DDX47: variants seen among roughly 807,000 people sequenced by gnomAD.
DDX47 encodes probable ATP-dependent RNA helicase DDX47.
Under a neutral mutation model 58.8 loss-of-function variants are expected in DDX47, and 60 were observed. The ratio of observed to expected loss-of-function variants is 1.02; its 90% CI spans 0.83 to 1.26. The LOEUF is 1.26. Among genes scored for constraint, DDX47 ranks in the 50% most tolerant of loss-of-function variants. DDX47 has a pLI of 0.00. For synonymous variants in DDX47, 197 were observed against 204.6 expected, an observed-to-expected ratio of 0.96 and a Z score of 0.32; for missense variants, 530 against 573.2, an observed-to-expected ratio of 0.92 and a Z score of 0.77.
chr12:12,820,916 G>T (rs988061183), intron 2 of DDX47: 3 of 394,216 alleles, frequency 7.6e-6, no homozygotes, highest in Admixed American at 8.6e-5. Flanking sequence ...AGCCTTTTCT[G>T]ACTCTTCTGG....
intron 11 of DDX47, among the ~76,000 whole-genome samples, chr12:12,828,110 G>A (rs926592044): frequency 1.6e-4 from 24 of 151,888 alleles, no homozygotes; most frequent in African/African-American, 5.8e-4. Flanking sequence ...CCCCCGCCTC[G>A]GCCTCCCAAA....
chr12:12,816,589 G>A (rs561918917), intron 2 of DDX47, among the ~76,000 whole-genome samples: 20 of 152,266 alleles, frequency 1.3e-4, no homozygotes, highest in African/African-American at 2.4e-4. Flanking sequence ...TCCAAAGAGC[G>A]GTTATAGCTG....
chr12:12,823,909 A>T lies in DDX47; in HGVS notation c.790A>T (p.Asn264Tyr). 6.2e-7 allele frequency: 1 copy of T among 1,614,098 alleles called. No homozygotes were observed. The highest frequency in any genetic ancestry group is 8.5e-7 in the Non-Finnish European group (1 of 1,180,002). ...LVYILNELAG[N>Y]SFMIFCSTCN... ...TTATATTCTAAATGAATTGGCTGGA[A>T]ACTCCTTTATGATATTCTGCAGCAC... The change falls in exon 8 of 12, where the codon AAC (asparagine) becomes TAC (tyrosine). Residue 264 changes from asparagine (N) to tyrosine (Y), a missense_variant. Coordinates refer to ENST00000358007, the MANE Select transcript of DDX47 (RefSeq NM_016355.4).
intron 8 of DDX47, 38 bp downstream of exon 8, chr12:12,824,054 G>A (rs1863013876): frequency 1.3e-6 from 2 of 1,597,712 alleles, no homozygotes; most frequent in Admixed American, 3.5e-5. Context: ...TGCACTGGTG[G>A]CGTGAGCGAG....
chr12:12,824,011 A>G lies in DDX47; in HGVS notation c.892A>G (p.Ser298Gly), dbSNP rs1158659296. 6 of 1,613,602 alleles carry G rather than the reference A, an allele frequency of 3.7e-6. No individual in the cohort carries two copies. In the Admixed American group the frequency reaches 1.0e-4, roughly 27 times the overall value. The stretch of plus-strand genomic sequence containing the variant: ...TGCCATCCCCCTCCATGGACAAATG[A>G]GTCAGGTAAGGATTCATCATCATCA... Reference protein sequence around the residue: ...FTAIPLHGQMSQSKRLGSLNK... With the variant: ...FTAIPLHGQMGQSKRLGSLNK... The change falls in exon 8 of 12, where the codon AGT becomes GGT. Residue 298 changes from serine (S) to glycine (G), a missense_variant. Transcript: ENST00000358007.
chr12:12,821,451 T>A (rs1306658162), intron 3 of DDX47, 55 bp downstream of exon 3: 1 of 1,592,674 alleles, frequency 6.3e-7, no homozygotes. Flanking sequence ...GAAGAATGAG[T>A]GTGGAGGAAG....
chr12:12,823,151 A>T, intron 6 of DDX47, 52 bp from the exon 7 acceptor site: 1 of 1,159,896 alleles, frequency 8.6e-7, no homozygotes, highest in Non-Finnish European at 1.3e-6. Context: ...ACCATGTCAT[A>T]AATAAAGAGT....
At chr12:12,823,019 C>A (rs1052936577) in intron 6 of DDX47, among the ~76,000 whole-genome samples, 184 bp from the exon 7 acceptor site, 5 of 152,166 alleles carry the variant, frequency 3.3e-5, no homozygotes, top group Admixed American at 3.3e-4. Context: ...TGAGAACTCA[C>A]TATCATGAGA....
chr12:12,823,903 G>C lies in DDX47; in HGVS notation c.784G>C (p.Ala262Pro). 1 of 1,614,000 alleles carries C rather than the reference G, an allele frequency of 6.2e-7. No individual in the cohort carries two copies. Among genetic ancestry groups the C allele is most frequent in the African/African-American group, 1.3e-5 (1 of 75,020 alleles). Residue 262 changes from alanine (A) to proline (P), a missense_variant, in exon 8 of 12, where the codon GCT (alanine) becomes CCT (proline). Coordinates refer to ENST00000358007, the MANE Select transcript of DDX47 (RefSeq NM_016355.4). ...TYLVYILNEL[A>P]GNSFMIFCST... ...CCTGGTTTATATTCTAAATGAATTG[G>C]CTGGAAACTCCTTTATGATATTCTG...
At chr12:12,827,420 A>C in intron 11 of DDX47, 45 bp downstream of exon 11, 1 of 1,602,110 alleles carries the variant, frequency 6.2e-7, no homozygotes, top group Non-Finnish European at 8.5e-7. Context: ...AAACAATGTT[A>C]ACTGTGTGCC....
rs773264856 is a variant in DDX47, at chr12:12,822,699, A to G, written c.600A>G (p.Lys200=). 2.4e-5 allele frequency: 38 copies of G among 1,614,106 alleles called. No homozygotes were observed. Among genetic ancestry groups the G allele is most frequent in the Non-Finnish European group, 3.1e-5 (36 of 1,179,986 alleles). The change falls in exon 6 of 12, where the codon AAA becomes AAG. Residue 200 remains lysine (K), a synonymous_variant. Transcript: ENST00000358007. The part of the protein sequence containing the change: ...KILKVIPRDR[K]TFLFSATMTK... Reference sequence around the variant, plus strand: ...TCAAAGTGATTCCTCGAGATCGGAAAACATTCCTCTTCTCTGCCACCATGA... The same window carrying G: ...TCAAAGTGATTCCTCGAGATCGGAAGACATTCCTCTTCTCTGCCACCATGA...
intron 11 of DDX47, among the ~76,000 whole-genome samples, chr12:12,827,768 A>G (rs1306065403): frequency 6.6e-6 from 1 of 152,018 alleles, no homozygotes; most frequent in Non-Finnish European, 1.5e-5. Flanking sequence ...ATGGGGTTTT[A>G]TGAGCACCAG....
At chr12:12,818,650 A>G (rs1274208833) in intron 2 of DDX47, among the ~76,000 whole-genome samples, 2 of 152,210 alleles carry the variant, frequency 1.3e-5, no homozygotes, top group East Asian at 1.9e-4. Flanking sequence ...GATACACTGT[A>G]TGTTAGTCCT....
In DDX47 at chr12:12,821,999, T is replaced by A; in HGVS notation, c.477T>A (p.Asn159Lys). 1 of 1,613,910 alleles carries A rather than the reference T, an allele frequency of 6.2e-7. No individual in the cohort carries two copies. Among genetic ancestry groups the A allele is most frequent in the Non-Finnish European group, 8.5e-7 (1 of 1,179,918 alleles). Reference protein sequence around the residue: ...TPGRLIDHLENTKGFNLRALK... With the variant: ...TPGRLIDHLEKTKGFNLRALK... The stretch of plus-strand genomic sequence containing the variant: ...GTCGACTGATTGACCACTTGGAAAA[T>A]ACGAAAGGTTTCAACTTGAGAGCTC... The change falls in exon 5 of 12, where the codon AAT (asparagine) becomes AAA (lysine). Residue 159 changes from asparagine (N) to lysine (K), a missense_variant. Asn to Lys is a moderately conservative substitution (Grantham distance 94). Coordinates refer to ENST00000358007, the MANE Select transcript of DDX47 (RefSeq NM_016355.4).
chr12:12,821,347 G>A lies in DDX47; in HGVS notation c.321G>A (p.Gln107=). ...VLTPTRELAF[Q]ISEQFEALGS... ...CCCCGACTCGGGAGCTGGCCTTTCA[G>A]ATCTCAGAGCAGTTTGAAGCCCTGG... is the stretch of plus-strand genomic sequence containing the variant. The change falls in exon 3 of 12, where the codon CAG becomes CAA. Residue 107 remains glutamine (Q), a synonymous_variant. Coordinates refer to ENST00000358007, the MANE Select transcript of DDX47 (RefSeq NM_016355.4). 6.2e-7 allele frequency: 1 copy of A among 1,614,182 alleles called. No homozygotes were observed. Among genetic ancestry groups the A allele is most frequent in the East Asian group, 2.2e-5 (1 of 44,890 alleles).
Position 12,814,180 on chromosome 12 carries a change from A to C in DDX47, c.137A>C (p.Lys46Thr). ...CEACDQLGWTKPTKIQIEAIP... is the reference protein window; with the variant it reads ...CEACDQLGWTTPTKIQIEAIP... Reference sequence around the variant, plus strand: ...GCTTGTGACCAGTTGGGATGGACAAAACCCACCAAGATCCAGATTGAAGCT... The same window carrying C: ...GCTTGTGACCAGTTGGGATGGACAACACCCACCAAGATCCAGATTGAAGCT... Residue 46 changes from lysine to threonine, a missense_variant, in exon 2 of 12, where the codon AAA becomes ACA. By Grantham distance (78) the Lys-to-Thr change is moderately conservative. Transcript: ENST00000358007. 6.2e-7 allele frequency: 1 copy of C among 1,613,936 alleles called. No individual in the cohort carries two copies. Among genetic ancestry groups the C allele is most frequent in the Non-Finnish European group, 8.5e-7 (1 of 1,179,826 alleles).
In DDX47 at chr12:12,823,873, A is replaced by G; in HGVS notation, c.754A>G (p.Thr252Ala). ...YIFIPSKFKD[T>A]YLVYILNELA... ...TTGTTTTGGGTTTGTAACTTAGGAT[A>G]CCTACCTGGTTTATATTCTAAATGA... The change falls in exon 8 of 12, where the codon ACC (threonine) becomes GCC (alanine). Residue 252 changes from threonine to alanine, a missense_variant. Coordinates refer to ENST00000358007, the MANE Select transcript of DDX47 (RefSeq NM_016355.4). The G allele has an allele frequency of 6.2e-7, 1 of 1,613,460 alleles. No individual in the cohort carries two copies. The highest frequency in any genetic ancestry group is 1.3e-5 in the African/African-American group (1 of 75,024).
At chr12:12,825,898 A>G in intron 9 of DDX47, 102 bp from the exon 10 acceptor site, 1 of 819,456 alleles carries the variant, frequency 1.2e-6, no homozygotes, top group Non-Finnish European at 1.8e-6. Context: ...TACGAAATGA[A>G]TCTATTTTCT....
intron 8 of DDX47, chr12:12,824,313 C>A: frequency 1.8e-6 from 1 of 558,942 alleles, no homozygotes; most frequent in Non-Finnish European, 3.0e-6. Context: ...AATTATTTCC[C>A]AGTTACCTTT....
Sources: gnomAD v4.1 joint callset for allele counts (sites outside exome capture counted in the v4.1 genomes callset) on GRCh38, gnomAD v4.1.1 for gene constraint, MANE v1.5 for transcripts, NCBI Gene and HGNC (gene_info 2026-07-23, HGNC 2026-07-21) for gene names.